The following HERC2 variants were observed in gnomAD, a reference collection of about 807,000 sequenced individuals.
HERC2 encodes the protein E3 ubiquitin-protein ligase HERC2.
A neutral mutation model predicts 537.7 loss-of-function variants in HERC2; 102 were observed. The observed-to-expected ratio is 0.19, with a 90% CI of 0.16 to 0.22. HERC2 has a LOEUF of 0.22. Among genes scored for constraint, HERC2 ranks in the 10% least tolerant of loss-of-function variants. The pLI is 1.00. For missense variants in HERC2, 4,236 were observed against 6,198.2 expected, an observed-to-expected ratio of 0.68 and a Z score of 10.63; for synonymous variants, 2,224 against 2,466.2, an observed-to-expected ratio of 0.90 and a Z score of 2.91.
At chr15:28,180,394 T>C (rs542795371) in intron 57 of HERC2, among the ~76,000 whole-genome samples, 4 of 152,328 alleles carry the variant, frequency 2.6e-5, no homozygotes, top group African/African-American at 9.6e-5. Context: ...ATCCCCATCA[T>C]TAAGTAATGC....
intron 23 of HERC2, among the ~76,000 whole-genome samples, chr15:28,242,295 T>C (rs1452824892): frequency 6.6e-6 from 1 of 152,230 alleles, no homozygotes; most frequent in East Asian, 1.9e-4. Flanking sequence ...TGGCAAATTT[T>C]ACCAATCTTA....
At chr15:28,154,902 C>T (rs1295429662) in intron 69 of HERC2, among the ~76,000 whole-genome samples, 1 of 144,798 alleles carries the variant, frequency 6.9e-6, no homozygotes, top group African/African-American at 2.6e-5. Context: ...TCTCCTAATG[C>T]TATCCCTCCC....
intron 86 of HERC2, chr15:28,117,422 C>T: frequency 1.5e-6 from 1 of 687,302 alleles, no homozygotes; most frequent in Non-Finnish European, 2.7e-6. Context: ...AACAAACACA[C>T]CTTCCAACAC....
Position 28,174,484 on chromosome 15 carries a change from G to A in HERC2, c.9968C>T (p.Ala3323Val), listed in dbSNP as rs138301091. Residue 3323 changes from alanine to valine, a missense_variant, in exon 65 of 93, where the codon GCG becomes GTG. Coordinates refer to ENST00000261609, the MANE Select transcript of HERC2 (RefSeq NM_004667.6). ...RVACGSSHSV[A>V]WTTVDVATPS... ...CGTGGCCACATCCACAGTTGTCCAC[G>A]CCACACTGTGGGACGACCCACAAGC... The A allele has an allele frequency of 1.8e-5, 29 of 1,613,812 alleles. No homozygotes were observed. Among genetic ancestry groups the A allele is most frequent in the Middle Eastern group, 1.7e-4 (1 of 5,964 alleles).
intron 30 of HERC2, 136 bp downstream of exon 30, chr15:28,233,010 T>G (rs1174514475): frequency 3.0e-6 from 2 of 671,844 alleles, no homozygotes; most frequent in Non-Finnish European, 5.1e-6. Flanking sequence ...ATCGTAACTG[T>G]AATAAAAATG....
Position 28,260,817 on chromosome 15 carries a change from T to C in HERC2, c.2276A>G (p.Asp759Gly), listed in dbSNP as rs2075396803. 1 of 1,614,240 alleles carries C rather than the reference T, an allele frequency of 6.2e-7. No homozygotes were observed. The change falls in exon 16 of 93, where the codon GAC becomes GGC. Residue 759 changes from aspartate to glycine, a missense_variant. Transcript: ENST00000261609. ...GGCAATTCCCACTATGTGTTTGGTG[T>C]CCAGTCCTGGCAATGCTGCAGGTTC... ...KPEPAALPGL[D>G]TKHIVGIACG...
chr15:28,226,928 C>T (rs1901242324), intron 35 of HERC2, among the ~76,000 whole-genome samples: 1 of 152,262 alleles, frequency 6.6e-6, no homozygotes, highest in African/African-American at 2.4e-5. Context: ...GTTTGGTACA[C>T]TTATATAGTG....
At chr15:28,150,151 A>G (rs1373877778) in intron 70 of HERC2, among the ~76,000 whole-genome samples, 2 of 152,038 alleles carry the variant, frequency 1.3e-5, no homozygotes, top group Admixed American at 6.6e-5. Context: ...ATAGCCGCAC[A>G]AATGCACATT....
intron 43 of HERC2, among the ~76,000 whole-genome samples, chr15:28,211,453 C>G (rs1221649893): frequency 2.6e-5 from 4 of 151,992 alleles, no homozygotes; most frequent in Admixed American, 2.6e-4. Flanking sequence ...AAATGTTCCC[C>G]AAGTTGCTGA....
At position 28,229,781 on chromosome 15, in the gene HERC2, C is replaced by A; in HGVS notation, c.4876G>T (p.Val1626Leu). 1 of 1,444,068 alleles carries A rather than the reference C, an allele frequency of 6.9e-7. No individual in the cohort carries two copies. Among genetic ancestry groups the A allele is most frequent in the South Asian group, 1.1e-5 (1 of 87,718 alleles). 89.5% of individuals were successfully genotyped at this position (1,444,068 alleles called of 1,614,324 possible). The change falls in exon 32 of 93, where the codon GTG becomes TTG. Residue 1626 changes from valine to leucine, a missense_variant. By Grantham distance (32) the Val-to-Leu change is conservative. Coordinates refer to ENST00000261609, the MANE Select transcript of HERC2 (RefSeq NM_004667.6). ...VHKYKWLKQN[V>L]QGLYPQSPLL... The stretch of plus-strand genomic sequence containing the variant: ...GGAGACTGCGGATAAAGACCCTGCA[C>A]ATTCTGCTTCAACCACTTGTATTTG...
chr15:28,290,296 AAC>A (rs2076277571), intron 4 of HERC2, among the ~76,000 whole-genome samples: 1 of 152,106 alleles, frequency 6.6e-6, no homozygotes, highest in South Asian at 2.1e-4. Context: ...AGAGCAGCAA[AAC>A]ACACTTTTTT....
At chr15:28,259,049 C>G (rs2075345184) in intron 16 of HERC2, among the ~76,000 whole-genome samples, 1 of 152,210 alleles carries the variant, frequency 6.6e-6, no homozygotes, top group African/African-American at 2.4e-5. Context: ...CACCTGAATA[C>G]TTCTATATCT....
At chr15:28,256,025 G>C (rs1440886010) in intron 18 of HERC2, 29 bp from the exon 19 acceptor site, 1 of 1,605,144 alleles carries the variant, frequency 6.2e-7, no homozygotes, top group Non-Finnish European at 8.5e-7. Flanking sequence ...GCCAATTTGA[G>C]TGAAACGCCA....
chr15:28,275,023 G>A lies in HERC2; in HGVS notation c.543-18C>T, dbSNP rs370286721. The A allele has an allele frequency of 3.8e-5, 59 of 1,541,938 alleles. No homozygotes were observed. Among genetic ancestry groups the A allele is most frequent in the Middle Eastern group, 3.4e-4 (2 of 5,934 alleles). On this transcript the variant is annotated intron_variant, in intron 5 of 92. Transcript: ENST00000261609. ...GCCGGGAACTGCAGACGACACACAC[G>A]GAACATACAACCAGTCAGCAGCAGA...
intron 2 of HERC2, among the ~76,000 whole-genome samples, chr15:28,317,914 AG>A: frequency 6.6e-6 from 1 of 152,316 alleles, no homozygotes; most frequent in South Asian, 2.1e-4. Context: ...CAAAATAAAA[AG>A]TTTTTTAAAA....
At chr15:28,189,110 A>G (rs1478484212) in intron 55 of HERC2, among the ~76,000 whole-genome samples, 3 of 152,148 alleles carry the variant, frequency 2.0e-5, no homozygotes, top group Non-Finnish European at 2.9e-5. Context: ...GAAAATTCCC[A>G]TAACAAACTA....
intron 88 of HERC2, among the ~76,000 whole-genome samples, chr15:28,116,309 G>A (rs1888248574): frequency 6.6e-6 from 1 of 151,194 alleles, no homozygotes. Context: ...CGCCTCCCGG[G>A]TTCAAGCAAT....
intron 70 of HERC2, among the ~76,000 whole-genome samples, chr15:28,149,861 T>C (rs1892230053): frequency 6.6e-6 from 1 of 151,802 alleles, no homozygotes; most frequent in Non-Finnish European, 1.5e-5. Context: ...ACGCACATTC[T>C]AGTAAAATTA....
At chr15:28,239,827 G>C (rs1902863790) in intron 23 of HERC2, among the ~76,000 whole-genome samples, 1 of 152,074 alleles carries the variant, frequency 6.6e-6, no homozygotes, top group African/African-American at 2.4e-5. Flanking sequence ...CTTTGAAAAA[G>C]AAAACGGTAT....
Sources: allele counts gnomAD v4.1 joint callset (sites outside exome capture counted in the v4.1 genomes callset), GRCh38; gene constraint gnomAD v4.1.1; transcripts MANE v1.5; gene names NCBI Gene and HGNC (gene_info 2026-07-23, HGNC 2026-07-21).